Variants in NME7 observed in about 807,000 individuals in gnomAD.
NME7 encodes nucleoside diphosphate kinase 7.
In NME7, 41 loss-of-function variants were observed where a neutral mutation model predicts 49.1. The ratio of observed to expected loss-of-function variants is 0.83; its 90% CI spans 0.65 to 1.08. NME7 has a LOEUF of 1.08. Among genes scored for constraint, NME7 ranks in the 50% least tolerant of loss-of-function variants. The probability of loss-of-function intolerance (pLI) is 0.00; values close to 1 mark genes in which losing one functional copy is unlikely to be tolerated. For synonymous variants in NME7, 139 were observed against 150.6 expected (o/e 0.92, Z 0.56); for missense variants, 423 against 463.4 (o/e 0.91, Z 0.80).
intron 11 of NME7, chr1:169,168,907 T>C: frequency 2.2e-6 from 1 of 456,412 alleles, no homozygotes; most frequent in Non-Finnish European, 4.4e-6. Context: ...AATATATTTA[T>C]TGAACAAATG....
intron 10 of NME7, among the ~76,000 whole-genome samples, chr1:169,186,704 C>T (rs966905025): frequency 1.3e-5 from 2 of 152,110 alleles, no homozygotes; most frequent in Non-Finnish European, 2.9e-5. Context: ...TTTCCAAAAA[C>T]CAGCTCCTGG....
At chr1:169,220,613 T>A (rs1234411260) in intron 10 of NME7, among the ~76,000 whole-genome samples, 1 of 152,212 alleles carries the variant, frequency 6.6e-6, no homozygotes, top group Admixed American at 6.5e-5. Flanking sequence ...TAATAGGTAT[T>A]ACAAGTTATT....
intron 6 of NME7, among the ~76,000 whole-genome samples, chr1:169,294,882 C>A (rs914979026): frequency 4.6e-5 from 7 of 152,106 alleles, no homozygotes; most frequent in Non-Finnish European, 7.4e-5. Context: ...GAAATTTGAT[C>A]CCCAATGTTG....
chr1:169,303,522 G>C (rs866914741), intron 4 of NME7: 1 of 152,330 alleles, frequency 6.6e-6, no homozygotes, highest in African/African-American at 2.6e-5. Flanking sequence ...CGATCTTGGC[G>C]CTCGCTACAA....
intron 5 of NME7, among the ~76,000 whole-genome samples, chr1:169,301,399 T>C (rs1829287): frequency 0.63 from 96,264 of 151,926 alleles, 30,794 homozygotes; most frequent in East Asian, 0.92. Flanking sequence ...GTCAGAATGG[T>C]TATTATTAAA....
chr1:169,155,761 A>T (rs1571249228), intron 11 of NME7, among the ~76,000 whole-genome samples: 1 of 124,906 alleles, frequency 8.0e-6, no homozygotes. Context: ...ATTACTGTTT[A>T]GTTTTTTTTT....
chr1:169,263,296 A>T (rs1463677504), intron 7 of NME7, among the ~76,000 whole-genome samples: 1 of 134,196 alleles, frequency 7.5e-6, no homozygotes, highest in African/African-American at 2.5e-5. Context: ...GAATGTGGAT[A>T]GGAATGAAGA....
intron 1 of NME7, among the ~76,000 whole-genome samples, chr1:169,352,699 G>C (rs747164548): frequency 6.6e-6 from 1 of 152,012 alleles, no homozygotes; most frequent in African/African-American, 2.4e-5. Flanking sequence ...TCTTAGAACT[G>C]ATAAATCCAG....
At chr1:169,231,887 A>G (rs1647638715) in intron 9 of NME7, among the ~76,000 whole-genome samples, 3 of 151,618 alleles carry the variant, frequency 2.0e-5, no homozygotes, top group Admixed American at 2.0e-4. Context: ...ACCAAAATTG[A>G]GCACTCTTTA....
intron 1 of NME7, among the ~76,000 whole-genome samples, chr1:169,339,796 A>T (rs1212529353): frequency 6.6e-6 from 1 of 152,180 alleles, no homozygotes; most frequent in African/African-American, 2.4e-5. Context: ...GGACTTTTAC[A>T]TGGGTTTGGC....
At chr1:169,364,938 T>G (rs1296384884) in intron 1 of NME7, among the ~76,000 whole-genome samples, 2 of 152,224 alleles carry the variant, frequency 1.3e-5, no homozygotes, top group Non-Finnish European at 2.9e-5. Context: ...AATTTCTTAC[T>G]ATTCAGAAGT....
chr1:169,165,563 T>C (rs1401262125), intron 11 of NME7, among the ~76,000 whole-genome samples: 5 of 152,140 alleles, frequency 3.3e-5, no homozygotes, highest in Non-Finnish European at 5.9e-5. Context: ...TTTCAAAGGG[T>C]GTTTAATTGG....
intron 6 of NME7, among the ~76,000 whole-genome samples, chr1:169,289,228 C>A (rs1650399999): frequency 6.6e-6 from 1 of 152,122 alleles, no homozygotes; most frequent in Non-Finnish European, 1.5e-5. Context: ...GCTTTCATTA[C>A]TTGCCTTTCT....
chr1:169,304,919 T>C (rs1002644127), intron 4 of NME7, among the ~76,000 whole-genome samples: 2 of 152,088 alleles, frequency 1.3e-5, no homozygotes, highest in African/African-American at 2.4e-5. Flanking sequence ...ACTGAAAAAC[T>C]TACATGGAGA....
chr1:169,140,802 A>G (rs1326106399), intron 11 of NME7, among the ~76,000 whole-genome samples: 2 of 152,154 alleles, frequency 1.3e-5, no homozygotes, highest in African/African-American at 2.4e-5. Context: ...GTGATTTTCA[A>G]CTTGGTTGTA....
chr1:169,322,016 T>C (rs1355961869), intron 3 of NME7, among the ~76,000 whole-genome samples: 1 of 152,108 alleles, frequency 6.6e-6, no homozygotes, highest in East Asian at 1.9e-4. Flanking sequence ...GGAATTAAAA[T>C]TTCACTTCAA....
chr1:169,276,736 A>C (rs57802772), intron 7 of NME7, among the ~76,000 whole-genome samples: 3,449 of 131,890 alleles, frequency 0.026, 483 homozygotes, highest in African/African-American at 0.084. Context: ...TAGCTTTTGA[A>C]TGTTGTTTGC....
intron 1 of NME7, among the ~76,000 whole-genome samples, chr1:169,359,161 T>A (rs953204118): frequency 3.3e-5 from 5 of 152,154 alleles, no homozygotes; most frequent in African/African-American, 1.2e-4. Context: ...CCTATGCATA[T>A]CCTCCAGTAT....
At chr1:169,290,929 T>C (rs1267523489) in intron 6 of NME7, among the ~76,000 whole-genome samples, 1 of 152,092 alleles carries the variant, frequency 6.6e-6, no homozygotes, top group Non-Finnish European at 1.5e-5. Context: ...TCACTGGTCA[T>C]TAGAGAAATG....
Sources: allele counts gnomAD v4.1 joint callset (sites outside exome capture counted in the v4.1 genomes callset), GRCh38; gene constraint gnomAD v4.1.1; transcripts MANE v1.5; gene names NCBI Gene and HGNC (gene_info 2026-07-23, HGNC 2026-07-21).